BSPH1: variants seen among roughly 807,000 people sequenced by gnomAD.
BSPH1 encodes the protein binder of sperm protein homolog 1, also known as binder of sperm 1.
BSPH1 carries 21 observed loss-of-function variants against 22.5 expected under a neutral mutation model. The observed-to-expected ratio is 0.93, with a 90% CI of 0.66 to 1.35. BSPH1 has a LOEUF of 1.35. BSPH1 is among the 40% of genes most tolerant of loss of function. BSPH1 has a pLI of 0.00. For synonymous variants in BSPH1, 42 were observed against 53.6 expected, an observed-to-expected ratio of 0.78 and a Z score of 0.95; for missense variants, 141 against 154.2, an observed-to-expected ratio of 0.91 and a Z score of 0.45.
chr19:47,977,422 G>A lies in BSPH1; in HGVS notation c.207C>T (p.Cys69=). The A allele has an allele frequency of 6.4e-7, 1 of 1,552,096 alleles. No homozygotes were observed. The highest frequency in any genetic ancestry group is 8.7e-7 in the Non-Finnish European group (1 of 1,147,090). The change falls in exon 4 of 6, where the codon TGC becomes TGT. Residue 69 remains cysteine (C), a synonymous_variant. Transcript: ENST00000344839. ...ATCCTTCGTAGGTCTTGTTTAACGA[G>A]CACCACTTGTGTCTTGCCTTGGACT... is the stretch of plus-strand genomic sequence containing the variant. The part of the protein sequence containing the change: ...CIKSKARHKW[C]SLNKTYEGYW...
chr19:47,973,095 T>C (rs1054858787), intron 5 of BSPH1, among the ~76,000 whole-genome samples: 19 of 151,540 alleles, frequency 1.3e-4, no homozygotes, highest in Admixed American at 2.6e-4. Context: ...CGGGCGCCTG[T>C]AGTCCCAGCT....
At chr19:47,977,027 G>T (rs938044314) in intron 4 of BSPH1, among the ~76,000 whole-genome samples, 173 bp from the exon 5 acceptor site, 5 of 152,168 alleles carry the variant, frequency 3.3e-5, no homozygotes, top group Non-Finnish European at 5.9e-5. Context: ...ACACTGGTGC[G>T]CTCACACACA....
chr19:47,970,348 T>C (rs1433199954), intron 5 of BSPH1, among the ~76,000 whole-genome samples: 1 of 152,206 alleles, frequency 6.6e-6, no homozygotes, highest in Admixed American at 6.5e-5. Flanking sequence ...CATGAACGAC[T>C]GCGCCTGGTC....
At chr19:47,982,498 A>T (rs1969428331) in intron 1 of BSPH1, among the ~76,000 whole-genome samples, 1 of 152,196 alleles carries the variant, frequency 6.6e-6, no homozygotes. Context: ...GGCACATCTT[A>T]TTTAAGAAAT....
In BSPH1 at chr19:47,976,862, G is replaced by A. The variant is rs758326542; in HGVS notation, c.257-8C>T. 1.3e-6 allele frequency: 2 copies of A among 1,550,702 alleles called. No homozygotes were observed. ...ATACACAGTTTGCAAAATCTGCAGAGGAGGAAGAGGAAGAAGCAGAGTAAG... is the reference window on the plus strand; with the variant it reads ...ATACACAGTTTGCAAAATCTGCAGAAGAGGAAGAGGAAGAAGCAGAGTAAG... On this transcript the variant is annotated splice_region_variant and splice_polypyrimidine_tract_variant and intron_variant, in intron 4 of 5. Coordinates refer to ENST00000344839, the MANE Select transcript of BSPH1 (RefSeq NM_001128326.2).
intron 2 of BSPH1, chr19:47,980,482 T>C (rs867486181): frequency 0.28 from 72,915 of 264,174 alleles, 9,611 homozygotes; most frequent in Non-Finnish European, 0.3. Flanking sequence ...TCTTTCTTTT[T>C]TTTTTTTTTT....
intron 5 of BSPH1, among the ~76,000 whole-genome samples, chr19:47,972,277 A>G (rs10853794): frequency 0.67 from 99,522 of 148,626 alleles, 33,240 homozygotes; most frequent in South Asian, 0.76. Context: ...TAACCTTGAT[A>G]TTCTTTTTTT....
At chr19:47,969,449 G>A (rs1175781940) in intron 5 of BSPH1, among the ~76,000 whole-genome samples, 2 of 152,108 alleles carry the variant, frequency 1.3e-5, no homozygotes, top group Non-Finnish European at 2.9e-5. Context: ...AAATTTGTGT[G>A]TCAATGATGT....
chr19:47,988,103 G>T (rs1489795168), intron 1 of BSPH1, among the ~76,000 whole-genome samples: 4 of 152,022 alleles, frequency 2.6e-5, no homozygotes, highest in Non-Finnish European at 5.9e-5. Flanking sequence ...TGAACCTGGA[G>T]GACATTATGC....
intron 5 of BSPH1, among the ~76,000 whole-genome samples, 172 bp downstream of exon 5, chr19:47,976,538 A>T (rs1467940368): frequency 6.8e-6 from 1 of 147,272 alleles, no homozygotes; most frequent in East Asian, 2.0e-4. Flanking sequence ...TGAATCGAAA[A>T]CCTCTAGTTA....
Position 47,992,084 on chromosome 19 carries a change from G to A in BSPH1, c.-3C>T. 1 of 1,550,430 alleles carries A rather than the reference G, an allele frequency of 6.4e-7. No individual in the cohort carries two copies. The highest frequency in any genetic ancestry group is 1.2e-5 in the South Asian group (1 of 84,004). ...AAGAGAAGCATCAGGGAGCCCATGGGCAGTCACAGGCTTCCCGGTATCTCA... is the reference window on the plus strand; with the variant it reads ...AAGAGAAGCATCAGGGAGCCCATGGACAGTCACAGGCTTCCCGGTATCTCA... On this transcript the variant is annotated 5_prime_UTR_variant, in exon 1 of 6. Coordinates refer to ENST00000344839, the MANE Select transcript of BSPH1 (RefSeq NM_001128326.2).
chr19:47,970,717 C>A (rs41513549), intron 5 of BSPH1, among the ~76,000 whole-genome samples: 1 of 152,042 alleles, frequency 6.6e-6, no homozygotes, highest in Admixed American at 6.5e-5. Flanking sequence ...GAATTTACTT[C>A]CCTGTCCTAT....
intron 1 of BSPH1, among the ~76,000 whole-genome samples, chr19:47,984,196 A>G (rs1201483632): frequency 6.8e-6 from 1 of 147,016 alleles, no homozygotes; most frequent in Non-Finnish European, 1.5e-5. Context: ...AATATATATA[A>G]TATGTATATT....
chr19:47,968,069 T>G lies in BSPH1; in HGVS notation c.*143A>C, dbSNP rs1969274613. The G allele has an allele frequency of 6.6e-6, 1 of 152,224 alleles. No individual in the cohort carries two copies. The highest frequency in any genetic ancestry group is 2.4e-5 in the African/African-American group (1 of 41,454). The allele number at this position is 152,224 out of a possible 1,614,324, so 9.4% of individuals were successfully genotyped here. A position where few individuals can be genotyped will look rare whatever the true frequency, so the allele number is the denominator to read the frequency against. On this transcript the variant is annotated 3_prime_UTR_variant, in exon 6 of 6. Transcript: ENST00000344839. ...ATGCTGGAGAAAAAGAGTTTTATTT[T>G]ATTAAGAAAATTGGGGGTTACTGTA...
At chr19:47,991,750 CCCT>C (rs933638508) in intron 1 of BSPH1, among the ~76,000 whole-genome samples, 1 of 104,264 alleles carries the variant, frequency 9.6e-6, no homozygotes, top group African/African-American at 3.4e-5. Flanking sequence ...CTCCTTCTCT[CCCT>C]CCTCCTCTTC....
intron 5 of BSPH1, among the ~76,000 whole-genome samples, 162 bp from the exon 6 acceptor site, chr19:47,968,371 T>TTTTTTTTTGAGACAGAGTATCTGTC (rs1359746636): frequency 4.2e-5 from 4 of 96,288 alleles, no homozygotes; most frequent in South Asian, 8.9e-4. Flanking sequence ...TTCTTTTTTT[T>TTTTTTTTTGAGACAGAGTATCTGTC]TTTTTTTTGA....
intron 1 of BSPH1, among the ~76,000 whole-genome samples, chr19:47,984,058 G>A (rs1186916767): frequency 2.0e-5 from 3 of 151,084 alleles, no homozygotes; most frequent in Non-Finnish European, 4.4e-5. Context: ...TGTTGGTCAG[G>A]CTGGTCCCAA....
intron 5 of BSPH1, among the ~76,000 whole-genome samples, chr19:47,972,861 A>T (rs1218246193): frequency 9.9e-6 from 1 of 100,654 alleles, no homozygotes; most frequent in Non-Finnish European, 2.1e-5. Flanking sequence ...ACACATCCCC[A>T]CCCCCACCCC....
At chr19:47,986,250 G>A (rs988978358) in intron 1 of BSPH1, among the ~76,000 whole-genome samples, 2 of 152,084 alleles carry the variant, frequency 1.3e-5, no homozygotes, top group African/African-American at 4.8e-5. Flanking sequence ...TATGTTCAAT[G>A]GAATACAGCA....
Sources: allele counts gnomAD v4.1 joint callset (sites outside exome capture counted in the v4.1 genomes callset), GRCh38; gene constraint gnomAD v4.1.1; transcripts MANE v1.5; gene names NCBI Gene and HGNC (gene_info 2026-07-23, HGNC 2026-07-21).